PSEN1: variants seen among roughly 807,000 people sequenced by gnomAD.
The protein encoded by PSEN1 is presenilin-1.
Under a neutral mutation model 53.5 loss-of-function variants are expected in PSEN1, and 15 were observed. That is an observed-to-expected ratio of 0.28 (90% confidence interval 0.19 to 0.43). The LOEUF (loss-of-function observed/expected upper bound fraction) is 0.43. PSEN1 is among the 20% of genes least tolerant of loss of function. The pLI is 1.00. For missense variants in PSEN1, 387 were observed against 571.2 expected (o/e 0.68, Z 3.29); for synonymous variants, 208 against 209.8 (o/e 0.99, Z 0.08).
At chr14:73,204,124 G>A (rs1415417157) in intron 8 of PSEN1, among the ~76,000 whole-genome samples, 5 of 151,984 alleles carry the variant, frequency 3.3e-5, no homozygotes, top group South Asian at 2.1e-4. Flanking sequence ...TCAGCCTCCC[G>A]AGTCGCCGGG....
At chr14:73,197,020 C>T (rs1490120007) in intron 7 of PSEN1, among the ~76,000 whole-genome samples, 1 of 150,640 alleles carries the variant, frequency 6.6e-6, no homozygotes, top group Admixed American at 6.6e-5. Context: ...GCAAGCTCCG[C>T]TTCCCGGGTT....
intron 6 of PSEN1, among the ~76,000 whole-genome samples, chr14:73,188,798 G>C (rs1332617275): frequency 2.0e-5 from 3 of 152,000 alleles, no homozygotes; most frequent in Non-Finnish European, 4.4e-5. Flanking sequence ...TTTTTGTTTT[G>C]TTTTTTCTGA....
chr14:73,204,464 G>C (rs908106533), intron 8 of PSEN1, among the ~76,000 whole-genome samples: 17 of 151,110 alleles, frequency 1.1e-4, no homozygotes, highest in African/African-American at 4.1e-4. Context: ...ACTACTGCTT[G>C]AAGCCAAATA....
intron 9 of PSEN1, among the ~76,000 whole-genome samples, chr14:73,208,109 G>C (rs1278078789): frequency 6.6e-6 from 1 of 152,234 alleles, no homozygotes; most frequent in Admixed American, 6.5e-5. Context: ...AAAGAGGGGG[G>C]TCATAGCCCT....
chr14:73,206,337 C>T (rs764451732), intron 8 of PSEN1, 49 bp from the exon 9 acceptor site: 3 of 1,307,142 alleles, frequency 2.3e-6, no homozygotes, highest in Non-Finnish European at 2.2e-6. Context: ...GTTGTCTATG[C>T]ATACTTTGTG....
At chr14:73,166,049 A>AAAT (rs34006824) in intron 3 of PSEN1, among the ~76,000 whole-genome samples, 54,581 of 149,054 alleles carry the variant, frequency 0.37, 10,456 homozygotes, top group Non-Finnish European at 0.43. Context: ...TCTGTCTCCA[A>AAAT]AATAATAATA....
chr14:73,159,656 C>T (rs955578486), intron 3 of PSEN1, among the ~76,000 whole-genome samples: 2 of 152,108 alleles, frequency 1.3e-5, no homozygotes, highest in African/African-American at 4.8e-5. Flanking sequence ...TCAATCTGTT[C>T]CATCAGTCAT....
chr14:73,137,547 G>C (rs1055563321), intron 1 of PSEN1, among the ~76,000 whole-genome samples: 5 of 152,176 alleles, frequency 3.3e-5, no homozygotes, highest in Non-Finnish European at 7.3e-5. Flanking sequence ...AGAAGTCTAA[G>C]CTAAGGAAGG....
intron 5 of PSEN1, among the ~76,000 whole-genome samples, chr14:73,184,782 G>A (rs1215378006): frequency 3.4e-5 from 5 of 147,310 alleles, no homozygotes; most frequent in African/African-American, 1.3e-4. Flanking sequence ...GGTGGCTGCC[G>A]GGCGGAGACG....
At chr14:73,207,822 A>G (rs1456180154) in intron 9 of PSEN1, among the ~76,000 whole-genome samples, 1 of 152,218 alleles carries the variant, frequency 6.6e-6, no homozygotes, top group African/African-American at 2.4e-5. Flanking sequence ...CGAGGAGTGC[A>G]TGAGCAAGTG....
intron 3 of PSEN1, among the ~76,000 whole-genome samples, chr14:73,152,164 G>A (rs561417189): frequency 2.0e-3 from 290 of 148,442 alleles, no homozygotes; most frequent in African/African-American, 7.0e-3. Flanking sequence ...CGCCCGTCTC[G>A]GCCTCCCAAA....
At chr14:73,212,808 T>C (rs1054479250) in intron 10 of PSEN1, among the ~76,000 whole-genome samples, 5 of 152,234 alleles carry the variant, frequency 3.3e-5, no homozygotes, top group Admixed American at 3.3e-4. Context: ...CAGTTAGTCT[T>C]AGAGATGTGG....
chr14:73,159,944 T>A (rs1184280982), intron 3 of PSEN1: 1 of 160,464 alleles, frequency 6.2e-6, no homozygotes, highest in Non-Finnish European at 1.4e-5. Context: ...CACCTCAGCC[T>A]CCTGAGTAAC....
intron 6 of PSEN1, among the ~76,000 whole-genome samples, chr14:73,188,096 T>G (rs1461718233): frequency 6.6e-6 from 1 of 152,096 alleles, no homozygotes; most frequent in Non-Finnish European, 1.5e-5. Flanking sequence ...GCCCAGCTAA[T>G]TTTTGCATTT....
chr14:73,215,867 G>A (rs1419574249), intron 10 of PSEN1, among the ~76,000 whole-genome samples: 2 of 152,264 alleles, frequency 1.3e-5, no homozygotes, highest in Non-Finnish European at 2.9e-5. Flanking sequence ...GACTGGTACA[G>A]CCAGTGTGGA....
At chr14:73,198,284 A>G (rs1899040054) in intron 8 of PSEN1, among the ~76,000 whole-genome samples, 155 bp downstream of exon 8, 1 of 152,204 alleles carries the variant, frequency 6.6e-6, no homozygotes, top group Non-Finnish European at 1.5e-5. Flanking sequence ...CCTTGCAAGC[A>G]ATTGTCTTCT....
At chr14:73,173,923 G>C (rs1897968734) in intron 5 of PSEN1, 1 of 658,772 alleles carries the variant, frequency 1.5e-6, no homozygotes, top group Admixed American at 2.4e-5. Flanking sequence ...GCTGAGGCAG[G>C]AGGATCACTT....
intron 6 of PSEN1, among the ~76,000 whole-genome samples, chr14:73,192,014 C>G (rs1898737663): frequency 6.6e-6 from 1 of 151,898 alleles, no homozygotes; most frequent in Admixed American, 6.6e-5. Flanking sequence ...CTTTTTTCCT[C>G]TTCGTACTCA....
intron 6 of PSEN1, among the ~76,000 whole-genome samples, chr14:73,188,069 C>T (rs1226163865): frequency 1.3e-5 from 2 of 152,070 alleles, no homozygotes; most frequent in African/African-American, 4.8e-5. Context: ...ACCGGGACTA[C>T]AGGTGCGCAC....
Sources: allele counts gnomAD v4.1 joint callset (sites outside exome capture counted in the v4.1 genomes callset), GRCh38; gene constraint gnomAD v4.1.1; transcripts MANE v1.5; gene names NCBI Gene and HGNC (gene_info 2026-07-23, HGNC 2026-07-21).